Variants in MINK1 observed in about 807,000 individuals in gnomAD.
MINK1 encodes the protein misshapen-like kinase 1.
Under a neutral mutation model 178.4 loss-of-function variants are expected in MINK1, and 46 were observed. The ratio of observed to expected loss-of-function variants is 0.26; its 90% CI spans 0.20 to 0.33. The LOEUF (loss-of-function observed/expected upper bound fraction) is 0.33, where lower values mean the gene tolerates loss of function less well. Ranked by LOEUF, MINK1 falls within the 10% of genes least tolerant of loss-of-function variation. The pLI is 1.00. For missense variants in MINK1, 1,366 were observed against 1,814.9 expected, an observed-to-expected ratio of 0.75 and a Z score of 4.49; for synonymous variants, 797 against 709.7, an observed-to-expected ratio of 1.12 and a Z score of -1.96.
In MINK1 at chr17:4,885,373, G is replaced by A. The variant is rs1030655419; in HGVS notation, c.509-110G>A. The A allele has an allele frequency of 2.5e-5, 36 of 1,436,838 alleles. No individual in the cohort carries two copies. The highest frequency in any genetic ancestry group is 5.7e-5 in the Admixed American group (3 of 52,934). The allele number at this position is 1,436,838 out of a possible 1,614,324, so 89.0% of individuals were successfully genotyped here. A position where few individuals can be genotyped will look rare whatever the true frequency, so the allele number is the denominator to read the frequency against. On this transcript the variant is annotated intron_variant, in intron 6 of 31. Coordinates refer to ENST00000355280, the MANE Select transcript of MINK1 (RefSeq NM_153827.5). The surrounding 1 kb of genome is among the most constrained non-coding windows in gnomAD (Gnocchi z 5.0). ...AGGAGGGTGCTGGGGTGTCTGGGTC[G>A]GGCCAGGACCACAGCTGGCTCAGGC...
chr17:4,890,200 CA>C, intron 13 of MINK1: 9 of 802,206 alleles, frequency 1.1e-5, no homozygotes, highest in Non-Finnish European at 1.5e-5. Flanking sequence ...CTCTGCCCCC[CA>C]CCCCACACCC....
Position 4,897,318 on chromosome 17 carries a change from G to A in MINK1, c.*31G>A, listed in dbSNP as rs1969650947. 3 of 1,599,212 alleles carry A rather than the reference G, an allele frequency of 1.9e-6. No individual in the cohort carries two copies. Among genetic ancestry groups the A allele is most frequent in the African/African-American group, 2.7e-5 (2 of 74,522 alleles). On this transcript the variant is annotated 3_prime_UTR_variant, in exon 32 of 32. Coordinates refer to ENST00000355280, the MANE Select transcript of MINK1 (RefSeq NM_153827.5). The stretch of plus-strand genomic sequence containing the variant: ...CCCTGGGCTGGGGCTGTCCCACACT[G>A]GACCCAGCTCTCCCCCTGCAGCCAG...
At chr17:4,869,114 C>T (rs534365590) in intron 1 of MINK1, among the ~76,000 whole-genome samples, 181 of 151,658 alleles carry the variant, frequency 1.2e-3, no homozygotes, top group Non-Finnish European at 1.5e-3. Flanking sequence ...TTAGTAGAGA[C>T]GGGGTTTCAT....
chr17:4,896,011 G>T lies in MINK1; in HGVS notation c.3373G>T (p.Glu1125Ter). 1 of 1,597,172 alleles carries T rather than the reference G, an allele frequency of 6.3e-7. No individual in the cohort carries two copies. Among genetic ancestry groups the T allele is most frequent in the East Asian group, 2.3e-5 (1 of 43,960 alleles). ...TTCTCTCCCGCCCCCAGTGAAATACGAGCGGATTAAGTTCCTGGTCATCGC... is the reference window on the plus strand; with the variant it reads ...TTCTCTCCCGCCCCCAGTGAAATACTAGCGGATTAAGTTCCTGGTCATCGC... Reference protein sequence around the residue: ...GCGHYRVVKYERIKFLVIALK... With the variant: ...GCGHYRVVKY Residue 1125 changes from glutamate (E) to a stop codon, truncating the protein, a stop_gained, in exon 28 of 32, where the codon GAG (glutamate) becomes TAG (stop). Transcript: ENST00000355280. LOFTEE classifies it high-confidence loss of function. The surrounding 1 kb of genome is among the most constrained non-coding windows in gnomAD (Gnocchi z 4.6).
chr17:4,890,429 T>C (rs1968673766), intron 13 of MINK1, 88 bp from the exon 14 acceptor site: 3 of 1,503,066 alleles, frequency 2.0e-6, no homozygotes, highest in East Asian at 2.5e-5. Context: ...ATCTCCTCTC[T>C]AGGCAGTTGG....
chr17:4,868,952 C>G lies in MINK1; in HGVS notation c.58-9365C>G, dbSNP rs566682754. 1.6e-4 allele frequency: 30 copies of G among 187,648 alleles called. 1 individual carries two copies. In the East Asian group the frequency reaches 3.1e-3, roughly 20 times the overall value. The allele number at this position is 187,648 out of a possible 1,614,324, so 11.6% of individuals were successfully genotyped here. ...ATTTATTTATTTTTTGAGGTGGAGTCTCGCTCTGTCGTGCAGGCTGGTGTG... is the reference window on the plus strand; with the variant it reads ...ATTTATTTATTTTTTGAGGTGGAGTGTCGCTCTGTCGTGCAGGCTGGTGTG... On this transcript the variant is annotated intron_variant, in intron 1 of 31. Coordinates refer to ENST00000355280, the MANE Select transcript of MINK1 (RefSeq NM_153827.5).
intron 1 of MINK1, among the ~76,000 whole-genome samples, chr17:4,872,762 T>G (rs527920663): frequency 6.6e-6 from 1 of 152,216 alleles, no homozygotes; most frequent in South Asian, 2.1e-4. Flanking sequence ...ACAGAGACTC[T>G]GTCTCAGAAA....
At chr17:4,879,744 G>T (rs1266974114) in intron 2 of MINK1, among the ~76,000 whole-genome samples, 4 of 152,238 alleles carry the variant, frequency 2.6e-5, no homozygotes, top group African/African-American at 9.6e-5. Context: ...AGAAGAGGAA[G>T]TTTCTTCCCA....
intron 1 of MINK1, among the ~76,000 whole-genome samples, chr17:4,870,406 A>G (rs1272901316): frequency 1.3e-5 from 2 of 151,816 alleles, no homozygotes; most frequent in South Asian, 2.1e-4. Context: ...AACCCTTTAA[A>G]TGGGGTGAGA....
rs1277963402 is a variant in MINK1, at chr17:4,891,472, G to A, written c.1757G>A (p.Arg586Gln). The change falls in exon 16 of 32, where the codon CGG becomes CAG. Residue 586 changes from arginine (R) to glutamine (Q), a missense_variant. Coordinates refer to ENST00000355280, the MANE Select transcript of MINK1 (RefSeq NM_153827.5). ...TCCCTGCAGAGCCTGGTGGCACACC[G>A]GGTCCCACTGAAGCCATATGCAGCA... ...EGPHKSLVAH[R>Q]VPLKPYAAPV... is the part of the protein sequence containing the mutation. 3 of 1,583,486 alleles carry A rather than the reference G, an allele frequency of 1.9e-6. No homozygotes were observed. The highest frequency in any genetic ancestry group is 2.3e-5 in the East Asian group (1 of 44,272).
At chr17:4,884,528 C>G in intron 5 of MINK1, 55 bp downstream of exon 5, 1 of 1,341,474 alleles carries the variant, frequency 7.5e-7, no homozygotes, top group Non-Finnish European at 1.1e-6. Flanking sequence ...GCTGGAGTTT[C>G]TCCATGAGCA....
intron 1 of MINK1, chr17:4,834,929 T>C (rs1193460192): frequency 2.0e-6 from 1 of 497,568 alleles, no homozygotes; most frequent in African/African-American, 2.0e-5. Context: ...CAGAGTCATG[T>C]TGTTAATTGG....
chr17:4,895,613 G>A lies in MINK1; in HGVS notation c.3230-85G>A. 6.4e-7 allele frequency: 1 copy of A among 1,566,068 alleles called. No homozygotes were observed. Among genetic ancestry groups the A allele is most frequent in the East Asian group, 2.3e-5 (1 of 43,830 alleles). ...GGGCCACACTTTCTCACCCCTTGTG[G>A]TATGCTGACAGAGGAGGCCAGGGCG... On this transcript the variant is annotated intron_variant, in intron 26 of 31. Coordinates refer to ENST00000355280, the MANE Select transcript of MINK1 (RefSeq NM_153827.5). This position sits in a 1 kb window ranked among gnomAD's most constrained non-coding sequence, Gnocchi z 4.3.
intron 1 of MINK1, among the ~76,000 whole-genome samples, chr17:4,851,999 C>CAAAAAAAAAAAAAAAAAAAAAA (rs535581252): frequency 1.4e-5 from 1 of 69,446 alleles, no homozygotes; most frequent in African/African-American, 6.4e-5. Context: ...GACTCTGTCT[C>CAAAAAAAAAAAAAAAAAAAAAA]AAAAAAAAAA....
intron 2 of MINK1, among the ~76,000 whole-genome samples, chr17:4,879,475 C>T (rs1259824349): frequency 6.6e-6 from 1 of 152,190 alleles, no homozygotes; most frequent in Non-Finnish European, 1.5e-5. Flanking sequence ...GCACCCCACC[C>T]GCAATCTCTT....
chr17:4,893,814 C>T, intron 21 of MINK1, 174 bp from the exon 22 acceptor site: 5 of 875,144 alleles, frequency 5.7e-6, no homozygotes, highest in Middle Eastern at 3.4e-4. Flanking sequence ...CCAGCCTGCC[C>T]TGTGTGCCAT....
rs1455484997 is a variant in MINK1 at position 4,833,950 on chromosome 17, C to G, written c.57+310C>G. 6.6e-6 allele frequency among the ~76,000 whole-genome samples: 1 copy of G among 152,192 alleles called. No homozygotes were observed. Among genetic ancestry groups the G allele is most frequent in the Admixed American group, 6.5e-5 (1 of 15,276 alleles). ...CCACTGGTTCGCCTAAACTTAGCCT[C>G]CCCCATCACCTGGAGAACCTTTATT... On this transcript the variant is annotated intron_variant, in intron 1 of 31. Coordinates refer to ENST00000355280, the MANE Select transcript of MINK1 (RefSeq NM_153827.5). The surrounding 1 kb of genome is among the most constrained non-coding windows in gnomAD (Gnocchi z 4.8).
chr17:4,838,799 G>A (rs1232586137), intron 1 of MINK1, among the ~76,000 whole-genome samples: 4 of 152,114 alleles, frequency 2.6e-5, no homozygotes, highest in African/African-American at 4.8e-5. Context: ...CCAGTCAGTC[G>A]CCAAGCATTG....
At chr17:4,838,947 CTT>C (rs149544017) in intron 1 of MINK1, among the ~76,000 whole-genome samples, 10 of 145,000 alleles carry the variant, frequency 6.9e-5, no homozygotes, top group Non-Finnish European at 7.6e-5. Context: ...AGCCTAGACT[CTT>C]TTTTTTTTTT....
Sources: allele counts gnomAD v4.1 joint callset (sites outside exome capture counted in the v4.1 genomes callset), GRCh38; gene constraint gnomAD v4.1.1; non-coding constraint Gnocchi (gnomAD v3.1); transcripts MANE v1.5; gene names NCBI Gene and HGNC (gene_info 2026-07-23, HGNC 2026-07-21).